The following RAI14 variants were observed in gnomAD, a reference collection of about 807,000 sequenced individuals.
RAI14 encodes the protein ankycorbin.
RAI14 carries 45 observed loss-of-function variants against 115.4 expected under a neutral mutation model. The ratio of observed to expected loss-of-function variants is 0.39; its 90% CI spans 0.31 to 0.50. The LOEUF is 0.50. RAI14 is among the 20% of genes least tolerant of loss of function. The pLI, the probability that RAI14 is intolerant of heterozygous loss-of-function variation, is 0.85. For synonymous variants in RAI14, 371 were observed against 415.4 expected (o/e 0.89, Z 1.30); for missense variants, 939 against 1,131.2 (o/e 0.83, Z 2.44).
chr5:34,746,132 A>G (rs1461861355), intron 2 of RAI14, among the ~76,000 whole-genome samples: 2 of 104,908 alleles, frequency 1.9e-5, no homozygotes, highest in East Asian at 3.3e-4. Context: ...TTGAGATGGA[A>G]TCTCGCTCTG....
At chr5:34,702,694 T>C (rs910176862) in intron 2 of RAI14, among the ~76,000 whole-genome samples, 3 of 152,188 alleles carry the variant, frequency 2.0e-5, no homozygotes, top group Non-Finnish European at 4.4e-5. Context: ...TAAGGAAAGC[T>C]ATGGCAAGTA....
rs77612191 is a variant in RAI14, at chr5:34,723,851, C to T, written c.37-33617C>T. 3.3e-3 allele frequency among the ~76,000 whole-genome samples: 505 copies of T among 152,196 alleles called. 3 individuals are homozygous for T. The highest frequency in any genetic ancestry group is 0.011 in the African/African-American group (472 of 41,510). On this transcript the variant is annotated intron_variant, in intron 2 of 17. Coordinates refer to ENST00000265109, the MANE Select transcript of RAI14 (RefSeq NM_015577.3). Reference sequence around the variant, plus strand: ...ATTTCTGTTGATGATATAAGCATTACGTGTGATATAGGCTGTGGACTGGTA... The same window carrying T: ...ATTTCTGTTGATGATATAAGCATTATGTGTGATATAGGCTGTGGACTGGTA...
intron 3 of RAI14, among the ~76,000 whole-genome samples, chr5:34,767,511 G>A (rs1029589867): frequency 1.3e-5 from 2 of 152,076 alleles, no homozygotes; most frequent in Non-Finnish European, 2.9e-5. Context: ...GATCATTAGC[G>A]TGTGCCAGTT....
At chr5:34,798,753 A>G (rs1400254859) in intron 4 of RAI14, among the ~76,000 whole-genome samples, 1 of 152,214 alleles carries the variant, frequency 6.6e-6, no homozygotes, top group Non-Finnish European at 1.5e-5. Context: ...CTGAGATGGT[A>G]CCACTCTCTA....
Position 34,823,909 on chromosome 5 carries a change from C to G in RAI14, c.2067C>G (p.Asn689Lys). 6.2e-7 allele frequency: 1 copy of G among 1,614,108 alleles called. No homozygotes were observed. The highest frequency in any genetic ancestry group is 1.1e-5 in the South Asian group (1 of 91,068). The stretch of plus-strand genomic sequence containing the variant: ...ATGAGAAACTGATGCAATTGACAAA[C>G]GTGTCCAGGGCTAAAGCAGAAGATG... ...AEHEKLMQLT[N>K]VSRAKAEDAL... Residue 689 changes from asparagine (N) to lysine (K), a missense_variant, in exon 15 of 18, where the codon AAC (asparagine) becomes AAG (lysine). Asn to Lys is a moderately conservative substitution (Grantham distance 94). Coordinates refer to ENST00000265109, the MANE Select transcript of RAI14 (RefSeq NM_015577.3). This position sits in a 1 kb window ranked among gnomAD's most constrained non-coding sequence, Gnocchi z 4.5.
chr5:34,745,766 C>G (rs967782765), intron 2 of RAI14, among the ~76,000 whole-genome samples: 1 of 152,098 alleles, frequency 6.6e-6, no homozygotes, highest in African/African-American at 2.4e-5. Context: ...GTTCAAAGAC[C>G]CTTATATTTA....
intron 2 of RAI14, among the ~76,000 whole-genome samples, chr5:34,692,204 A>C (rs1388911377): frequency 6.6e-6 from 1 of 152,188 alleles, no homozygotes; most frequent in Non-Finnish European, 1.5e-5. Flanking sequence ...TGGAGGTTGC[A>C]GTGAGCTGAG....
At chr5:34,717,976 A>G (rs1188659872) in intron 2 of RAI14, among the ~76,000 whole-genome samples, 7 of 143,580 alleles carry the variant, frequency 4.9e-5, no homozygotes, top group Admixed American at 3.5e-4. Context: ...ATGTTTACTC[A>G]GTAGGACATC....
At chr5:34,657,584 G>A (rs1234087394) in intron 1 of RAI14, among the ~76,000 whole-genome samples, 1 of 152,212 alleles carries the variant, frequency 6.6e-6, no homozygotes, top group Admixed American at 6.5e-5. Flanking sequence ...CTCGGGACCA[G>A]CGGCTTCTCT....
At chr5:34,750,869 T>TTTTTA (rs1746906098) in intron 2 of RAI14, among the ~76,000 whole-genome samples, 2 of 147,840 alleles carry the variant, frequency 1.4e-5, no homozygotes, top group Non-Finnish European at 3.0e-5. Context: ...TTTTTTTTTT[T>TTTTTA]GAGGTGGAGT....
At chr5:34,753,806 C>T (rs1042206236) in intron 2 of RAI14, among the ~76,000 whole-genome samples, 1 of 151,632 alleles carries the variant, frequency 6.6e-6, no homozygotes, top group Non-Finnish European at 1.5e-5. Context: ...CCCAGCTACT[C>T]GGGAGGCTGA....
At chr5:34,822,898 AG>A in intron 14 of RAI14, 57 bp from the exon 15 acceptor site, 2 of 1,415,344 alleles carry the variant, frequency 1.4e-6, no homozygotes. Context: ...CGTGTTAGCC[AG>A]GATGGTCTCA....
At chr5:34,672,768 G>C (rs1343989160) in intron 1 of RAI14, among the ~76,000 whole-genome samples, 2 of 152,098 alleles carry the variant, frequency 1.3e-5, no homozygotes, top group Non-Finnish European at 2.9e-5. Flanking sequence ...CACTATTCAA[G>C]GATTAACTGC....
chr5:34,722,756 G>T (rs1026117769), intron 2 of RAI14, among the ~76,000 whole-genome samples: 27 of 151,544 alleles, frequency 1.8e-4, no homozygotes, highest in Non-Finnish European at 3.5e-4. Flanking sequence ...TGAGGCAGGA[G>T]AATCACTTGA....
At chr5:34,778,296 G>C (rs1189176364) in intron 3 of RAI14, among the ~76,000 whole-genome samples, 1 of 152,176 alleles carries the variant, frequency 6.6e-6, no homozygotes, top group Non-Finnish European at 1.5e-5. Flanking sequence ...ATTTGGAGTG[G>C]TGCCTGAGAG....
At chr5:34,819,209 A>G (rs1284818695) in intron 13 of RAI14, among the ~76,000 whole-genome samples, 1 of 152,240 alleles carries the variant, frequency 6.6e-6, no homozygotes. Context: ...GTTATTGCAG[A>G]TATCTTGAAA....
At chr5:34,749,968 C>T (rs1023758073) in intron 2 of RAI14, among the ~76,000 whole-genome samples, 2 of 152,124 alleles carry the variant, frequency 1.3e-5, no homozygotes, top group African/African-American at 4.8e-5. Flanking sequence ...TTGCATTAAG[C>T]TGTTATCAGC....
intron 2 of RAI14, among the ~76,000 whole-genome samples, chr5:34,690,735 A>G (rs7701634): frequency 0.45 from 68,265 of 151,186 alleles, 17,558 homozygotes; most frequent in South Asian, 0.64. Context: ...GACCCTGCAG[A>G]TAACCCACAG....
chr5:34,674,897 ATTTTTTT>A (rs35952675), intron 1 of RAI14, among the ~76,000 whole-genome samples: 1 of 130,382 alleles, frequency 7.7e-6, no homozygotes, highest in African/African-American at 2.7e-5. Context: ...ACTTCATTGG[ATTTTTTT>A]TTTTTTTTTT....
Sources: allele counts gnomAD v4.1 joint callset (sites outside exome capture counted in the v4.1 genomes callset), GRCh38; gene constraint gnomAD v4.1.1; non-coding constraint Gnocchi (gnomAD v3.1); transcripts MANE v1.5; gene names NCBI Gene and HGNC (gene_info 2026-07-23, HGNC 2026-07-21).